NAA11: variants seen among roughly 807,000 people sequenced by gnomAD.
NAA11 encodes N-alpha-acetyltransferase 11, NatA catalytic subunit.
Under a neutral mutation model 16.1 loss-of-function variants are expected in NAA11, and 15 were observed. The observed-to-expected ratio is 0.93, with a 90% CI of 0.62 to 1.44. NAA11 has a LOEUF of 1.44. Ranked by LOEUF, NAA11 falls within the 40% of genes most tolerant of loss-of-function variation. The pLI, the probability that NAA11 is intolerant of heterozygous loss-of-function variation, is 0.00. For missense variants in NAA11, 298 were observed against 291.3 expected (o/e 1.02, Z -0.17); for synonymous variants, 122 against 112.4 (o/e 1.09, Z -0.54).
At chr4:79,228,698 T>TA (rs1721384833) in intron 2 of NAA11, among the ~76,000 whole-genome samples, 1 of 151,974 alleles carries the variant, frequency 6.6e-6, no homozygotes, top group Non-Finnish European at 1.5e-5. Flanking sequence ...ATCACAGGTG[T>TA]TTTATCCACT....
intron 2 of NAA11, among the ~76,000 whole-genome samples, chr4:79,271,482 A>G (rs573140099): frequency 6.6e-5 from 10 of 152,220 alleles, no homozygotes; most frequent in African/African-American, 1.4e-4. Context: ...GAACATAAAA[A>G]TTTGTTTCCT....
rs1447363748 is a variant in NAA11 at position 79,303,072 on chromosome 4, CCTTTTATATATATATATATATATATATA to C, written c.*13-8986_*13-8959del. Among the ~76,000 whole-genome samples, 465 of 89,078 alleles carry C rather than the reference CCTTTTATATATATATATATATATATATA, an allele frequency of 5.2e-3. 11 individuals carry two copies. The highest frequency in any genetic ancestry group is 0.023 in the Middle Eastern group (3 of 130). The allele number at this position is 89,078 out of a possible 152,430, so 58.4% of individuals were successfully genotyped here. ...CCTTTTCATTCCTGTTCTCTTGAGG[CCTTTTATATATATATATATATATATATA>C]TATATATATATATATATATATACCT... is the stretch of plus-strand genomic sequence containing the variant. On this transcript the variant is annotated intron_variant and NMD_transcript_variant, in intron 1 of 2. Coordinates refer to the NAA11 transcript ENST00000511542.
intron 2 of NAA11, among the ~76,000 whole-genome samples, chr4:79,242,928 C>T (rs557316183): frequency 9.3e-4 from 141 of 152,168 alleles, no homozygotes; most frequent in Non-Finnish European, 1.6e-3. Flanking sequence ...AGCTACTTCT[C>T]ATTAGAGATA....
chr4:79,230,029 A>G (rs915929514), intron 2 of NAA11, among the ~76,000 whole-genome samples: 6 of 151,950 alleles, frequency 3.9e-5, no homozygotes, highest in Admixed American at 3.3e-4. Context: ...ATGATTTCCA[A>G]TTTCATCTAT....
intron 1 of NAA11, among the ~76,000 whole-genome samples, chr4:79,297,218 G>A (rs900931111): frequency 2.0e-5 from 3 of 152,210 alleles, no homozygotes; most frequent in African/African-American, 7.2e-5. Context: ...CACAGAGCTG[G>A]CAGGAACTAG....
At position 79,264,113 on chromosome 4, in the gene NAA11, G is replaced by A. The variant is rs180708346; in HGVS notation, c.*122+29892C>T. Among the ~76,000 whole-genome samples the A allele has an allele frequency of 3.8e-3, 586 of 152,228 alleles. 1 individual carries two copies. Among genetic ancestry groups the A allele is most frequent in the African/African-American group, 0.014 (562 of 41,542 alleles). ...CCTGTTTAAATCAACACTTCCGCTCGTGCACTAGATCAGCACTAAAGTACA... is the reference window on the plus strand; with the variant it reads ...CCTGTTTAAATCAACACTTCCGCTCATGCACTAGATCAGCACTAAAGTACA... On this transcript the variant is annotated intron_variant and NMD_transcript_variant, in intron 2 of 2. Coordinates refer to the NAA11 transcript ENST00000511542.
chr4:79,278,336 T>C (rs138690182), intron 2 of NAA11, among the ~76,000 whole-genome samples: 317 of 152,214 alleles, frequency 2.1e-3, no homozygotes, highest in African/African-American at 7.5e-3. Context: ...CATCTTATTA[T>C]TCCATATTGC....
chr4:79,277,534 GTTCAA>G (rs1722682635), intron 2 of NAA11, among the ~76,000 whole-genome samples: 1 of 152,078 alleles, frequency 6.6e-6, no homozygotes, highest in African/African-American at 2.4e-5. Flanking sequence ...ATGTCATTAT[GTTCAA>G]TTCTTTGCCT....
the NAA11 span, among the ~76,000 whole-genome samples, chr4:79,171,213 C>G: frequency 2.0e-5 from 3 of 152,242 alleles, no homozygotes; most frequent in East Asian, 5.8e-4. Flanking sequence ...AAGGGCTCTG[C>G]CTTCATAAAT....
At chr4:79,303,122 A>ATATATATATATATATC (rs1723460814) in intron 1 of NAA11, among the ~76,000 whole-genome samples, 1 of 113,524 alleles carries the variant, frequency 8.8e-6, no homozygotes, top group Non-Finnish European at 1.9e-5. Flanking sequence ...ATATATATAT[A>ATATATATATATATATC]CCTCCCAACA....
intron 1 of NAA11, among the ~76,000 whole-genome samples, chr4:79,302,939 T>G (rs1011432300): frequency 1.3e-5 from 2 of 151,750 alleles, no homozygotes; most frequent in African/African-American, 4.8e-5. Flanking sequence ...CTATTTTGTT[T>G]GAGACTTTGA....
At chr4:79,180,192 G>A in the NAA11 span, among the ~76,000 whole-genome samples, 2 of 152,108 alleles carry the variant, frequency 1.3e-5, no homozygotes, top group East Asian at 3.9e-4. Flanking sequence ...TGTTGTAAAT[G>A]AAAGAATGGA....
chr4:79,321,487 AAG>A (rs1724087472), intron 1 of NAA11, among the ~76,000 whole-genome samples: 1 of 152,246 alleles, frequency 6.6e-6, no homozygotes, highest in African/African-American at 2.4e-5. Flanking sequence ...AGAAAATGAC[AAG>A]AGTCATTGAA....
At chr4:79,225,784 A>G (rs944926893) in exon 3 of NAA11, 1 of 152,008 alleles carries the variant, frequency 6.6e-6, no homozygotes, top group African/African-American at 2.4e-5. Flanking sequence ...CTGCAGGGGA[A>G]TAAGTTAATT....
intron 2 of NAA11, among the ~76,000 whole-genome samples, chr4:79,255,446 C>A (rs982730850): frequency 6.6e-6 from 1 of 151,894 alleles, no homozygotes; most frequent in Admixed American, 6.6e-5. Flanking sequence ...ATATTAATAT[C>A]AGTATTCTAT....
chr4:79,176,119 A>C, the NAA11 span, among the ~76,000 whole-genome samples: 2 of 152,196 alleles, frequency 1.3e-5, no homozygotes, highest in Non-Finnish European at 2.9e-5. Context: ...GATGGCAAAT[A>C]AACTCGTATC....
intron 1 of NAA11, among the ~76,000 whole-genome samples, chr4:79,324,344 T>C (rs953989115): frequency 1.3e-4 from 20 of 152,228 alleles, no homozygotes; most frequent in African/African-American, 4.8e-4. Context: ...CGTTCAAATT[T>C]TGCCTGATTA....
intron 1 of NAA11, among the ~76,000 whole-genome samples, chr4:79,310,823 T>TAAA (rs1263836736): frequency 1.3e-4 from 20 of 152,186 alleles, no homozygotes; most frequent in Non-Finnish European, 2.2e-4. Flanking sequence ...TATTGACCGA[T>TAAA]AGATTTAACT....
chr4:79,224,231 C>A (rs1047434291), downstream of NAA11, among the ~76,000 whole-genome samples: 2 of 152,036 alleles, frequency 1.3e-5, no homozygotes, highest in African/African-American at 4.8e-5. Context: ...ATTCCAAGGG[C>A]GGCCACTGCT....
Sources: gnomAD v4.1 joint callset for allele counts (sites outside exome capture counted in the v4.1 genomes callset) on GRCh38, gnomAD v4.1.1 for gene constraint, MANE v1.5 for transcripts, NCBI Gene and HGNC (gene_info 2026-07-23, HGNC 2026-07-21) for gene names.